BRAP: variants seen among roughly 807,000 people sequenced by gnomAD.
The protein encoded by BRAP is BRCA1-associated protein.
Under a neutral mutation model 73.4 loss-of-function variants are expected in BRAP, and 42 were observed. That is an observed-to-expected ratio of 0.57 (90% CI 0.45 to 0.74). BRAP has a LOEUF of 0.74. BRAP is among the 30% of genes least tolerant of loss of function. The pLI is 0.00. For missense variants in BRAP, 593 were observed against 751.4 expected, an observed-to-expected ratio of 0.79 and a Z score of 2.46; for synonymous variants, 255 against 267.4, an observed-to-expected ratio of 0.95 and a Z score of 0.45.
At chr12:111,648,552 C>T (rs1182793495) in intron 11 of BRAP, among the ~76,000 whole-genome samples, 2 of 145,474 alleles carry the variant, frequency 1.4e-5, no homozygotes, top group Admixed American at 7.0e-5. Flanking sequence ...GCGGAGGTTG[C>T]AGTGAACTGA....
At position 111,685,823 on chromosome 12, in the gene BRAP, C is replaced by T; in HGVS notation, c.-31G>A. Reference sequence around the variant, plus strand: ...AGGCGCTGGCCGGCGCGGGCCCCGGCGGGCTCAGGCGAGGCTGGAAGGCGA... The same window carrying T: ...AGGCGCTGGCCGGCGCGGGCCCCGGTGGGCTCAGGCGAGGCTGGAAGGCGA... On this transcript the variant is annotated 5_prime_UTR_variant, in exon 1 of 12. Coordinates refer to ENST00000419234, the MANE Select transcript of BRAP (RefSeq NM_006768.5). The T allele has an allele frequency of 2.1e-6, 3 of 1,404,182 alleles. No individual in the cohort carries two copies. Among genetic ancestry groups the T allele is most frequent in the Admixed American group, 2.4e-5 (1 of 40,860 alleles). 87.0% of individuals were successfully genotyped at this position (1,404,182 alleles called of 1,614,324 possible).
At chr12:111,648,380 A>G (rs1886191187) in intron 11 of BRAP, among the ~76,000 whole-genome samples, 2 of 134,104 alleles carry the variant, frequency 1.5e-5, no homozygotes, top group African/African-American at 5.6e-5. Context: ...TTGGGAGGCC[A>G]AAGCGGGTGG....
At chr12:111,682,895 G>C (rs926711941) in intron 2 of BRAP, among the ~76,000 whole-genome samples, 1 of 151,880 alleles carries the variant, frequency 6.6e-6, no homozygotes, top group Non-Finnish European at 1.5e-5. Context: ...CTGGGCAACA[G>C]AGACCCTGCC....
chr12:111,644,448 C>A lies in BRAP; in HGVS notation c.1530G>T (p.Glu510Asp). The A allele has an allele frequency of 6.2e-7, 1 of 1,614,164 alleles. No individual in the cohort carries two copies. The highest frequency in any genetic ancestry group is 1.1e-5 in the South Asian group (1 of 91,074). ...NQVLLQNKLK[E>D]EERVLKETCD... ...AGGTCTCCTTCAGCACCCTCTCCTC[C>A]TCTTTTAGCTTGTTCTGCAGGAGGA... Residue 510 changes from glutamate to aspartate, a missense_variant, in exon 12 of 12, where the codon GAG becomes GAT. Glu to Asp is a conservative substitution (Grantham distance 45). Transcript: ENST00000419234.
Position 111,658,831 on chromosome 12 carries a change from G to A in BRAP, c.1126C>T (p.Arg376Ter), listed in dbSNP as rs758352961. The change falls in exon 9 of 12, where the codon CGA becomes TGA. Residue 376 changes from arginine to a stop codon, truncating the protein, a stop_gained. Coordinates refer to ENST00000419234, the MANE Select transcript of BRAP (RefSeq NM_006768.5). LOFTEE classifies it high-confidence loss of function. ...WDYAGDNYVHRLVASKTDGKI... is the reference protein window; with the variant it reads ...WDYAGDNYVH ...CCATCTGTTTTACTTGCAACCAGTC[G>A]ATGAACATAGTTATCTACAGAAAGA... 4 of 1,606,260 alleles carry A rather than the reference G, an allele frequency of 2.5e-6. No homozygotes were observed. The highest frequency in any genetic ancestry group is 2.2e-5 in the South Asian group (2 of 90,830).
chr12:111,682,334 C>A (rs1296307280), intron 2 of BRAP, among the ~76,000 whole-genome samples: 9 of 151,430 alleles, frequency 5.9e-5, no homozygotes. Context: ...CCTGTCTCTA[C>A]CAAAAATACA....
intron 5 of BRAP, among the ~76,000 whole-genome samples, chr12:111,668,814 G>A (rs761767592): frequency 3.3e-5 from 5 of 151,872 alleles, no homozygotes; most frequent in African/African-American, 4.8e-5. Context: ...CCACCACAAC[G>A]CCTAGCTAAT....
chr12:111,668,275 T>A (rs1162420341), intron 5 of BRAP, among the ~76,000 whole-genome samples: 1 of 152,198 alleles, frequency 6.6e-6, no homozygotes, highest in Non-Finnish European at 1.5e-5. Flanking sequence ...AGTTAGTAAT[T>A]TAAATCCTCA....
chr12:111,685,329 T>C (rs1409091035), intron 1 of BRAP, among the ~76,000 whole-genome samples: 2 of 152,348 alleles, frequency 1.3e-5, no homozygotes, highest in East Asian at 1.9e-4. Flanking sequence ...CTTCAATGGA[T>C]ATCGTTCCAA....
At chr12:111,676,285 T>A (rs992874452) in intron 4 of BRAP, among the ~76,000 whole-genome samples, 1 of 152,196 alleles carries the variant, frequency 6.6e-6, no homozygotes, top group Non-Finnish European at 1.5e-5. Flanking sequence ...AGGAAAAGAA[T>A]AAAAACATAG....
intron 4 of BRAP, 58 bp downstream of exon 4, chr12:111,679,093 G>A (rs1439493968): frequency 7.8e-7 from 1 of 1,288,484 alleles, no homozygotes; most frequent in Admixed American, 2.5e-5. Flanking sequence ...CTATCATACA[G>A]TTTGAATACC....
chr12:111,667,177 T>G lies in BRAP; in HGVS notation c.748-1390A>C, dbSNP rs553895902. On this transcript the variant is annotated intron_variant, in intron 5 of 11. Transcript: ENST00000419234. ...AGTTCTATATACATTTCCATTGTTT[T>G]ACTTGGGGCTCATTCTAAACTTAAA... is the stretch of plus-strand genomic sequence containing the variant. 1.5e-3 allele frequency among the ~76,000 whole-genome samples: 222 copies of G among 152,332 alleles called. 1 individual carries two copies. Among genetic ancestry groups the G allele is most frequent in the Non-Finnish European group, 2.8e-3 (193 of 68,034 alleles).
Position 111,685,743 on chromosome 12 carries a change from G to C in BRAP, c.50C>G (p.Pro17Arg). The C allele has an allele frequency of 6.2e-7, 1 of 1,609,912 alleles. No homozygotes were observed. The highest frequency in any genetic ancestry group is 8.5e-7 in the Non-Finnish European group (1 of 1,178,944). The change falls in exon 1 of 12, where the codon CCT (proline) becomes CGT (arginine). Residue 17 changes from proline (P) to arginine (R), a missense_variant. By Grantham distance (103) the Pro-to-Arg change is moderately radical. Coordinates refer to ENST00000419234, the MANE Select transcript of BRAP (RefSeq NM_006768.5). ...VIRLELAEHS[P>R]VPAGFGFSAA... ...GCTGAAGCCGAAGCCGGCGGGGACA[G>C]GCGAGTGTTCCGCGAGCTCCAATCG...
chr12:111,643,342 A>C lies in BRAP; in HGVS notation c.*857T>G, dbSNP rs2135886709. The stretch of plus-strand genomic sequence containing the variant: ...AATACTAAACCCAACAAAATACACA[A>C]TTAGCTAGTCAGAGGCCTCACTCTA... On this transcript the variant is annotated 3_prime_UTR_variant, in exon 12 of 12. Coordinates refer to ENST00000419234, the MANE Select transcript of BRAP (RefSeq NM_006768.5). 1 of 152,288 alleles carries C rather than the reference A, an allele frequency of 6.6e-6. No homozygotes were observed. The highest frequency in any genetic ancestry group is 2.4e-5 in the African/African-American group (1 of 41,564). 9.4% of individuals were successfully genotyped at this position (152,288 alleles called of 1,614,324 possible).
At chr12:111,670,295 T>C (rs1371479862) in intron 5 of BRAP, 1 of 573,820 alleles carries the variant, frequency 1.7e-6, no homozygotes, top group East Asian at 4.5e-5. Flanking sequence ...TTTCACAAGT[T>C]TTTCTGCCTC....
At chr12:111,664,700 T>G (rs955973724) in intron 6 of BRAP, among the ~76,000 whole-genome samples, 2 of 152,242 alleles carry the variant, frequency 1.3e-5, no homozygotes, top group Admixed American at 1.3e-4. Flanking sequence ...GCTGATATTC[T>G]TCTTCCGGCC....
At chr12:111,680,224 G>C (rs1343376643) in intron 3 of BRAP, among the ~76,000 whole-genome samples, 4 of 152,026 alleles carry the variant, frequency 2.6e-5, no homozygotes, top group South Asian at 2.1e-4. Context: ...AAAGTACTGG[G>C]ATTACAGGCG....
chr12:111,685,571 A>G (rs1887789754), intron 1 of BRAP, 140 bp downstream of exon 1: 1 of 1,367,084 alleles, frequency 7.3e-7, no homozygotes, highest in African/African-American at 1.5e-5. Flanking sequence ...GATGGGAAAG[A>G]GAGGGATCCC....
intron 10 of BRAP, among the ~76,000 whole-genome samples, chr12:111,654,411 G>C (rs921654178): frequency 2.0e-5 from 3 of 151,902 alleles, no homozygotes; most frequent in African/African-American, 7.3e-5. Flanking sequence ...TGCCTCCTGG[G>C]CTCCAGCAAT....
Sources: allele counts gnomAD v4.1 joint callset (sites outside exome capture counted in the v4.1 genomes callset), GRCh38; gene constraint gnomAD v4.1.1; transcripts MANE v1.5; gene names NCBI Gene and HGNC (gene_info 2026-07-23, HGNC 2026-07-21).